FRMPD4: variants seen among roughly 807,000 people sequenced by gnomAD.
FRMPD4 encodes FERM and PDZ domain-containing protein 4.
Under a neutral mutation model 94.1 loss-of-function variants are expected in FRMPD4, and 22 were observed. The ratio of observed to expected loss-of-function variants is 0.23; its 90% CI spans 0.17 to 0.33. The LOEUF is 0.33. Ranked by LOEUF, FRMPD4 falls within the 10% of genes least tolerant of loss-of-function variation. FRMPD4 has a pLI of 1.00. For synonymous variants in FRMPD4, 631 were observed against 548.6 expected (o/e 1.15, Z -2.10); for missense variants, 1,111 against 1,339.9 (o/e 0.83, Z 2.67).
chrX:12,293,518 TACA>T (rs1269733463), intron 1 of FRMPD4, among the ~76,000 whole-genome samples: 1 of 112,652 alleles, frequency 8.9e-6, no homozygotes, highest in African/African-American at 3.2e-5. Flanking sequence ...GCCACTGTTG[TACA>T]ACAAGAAAGA....
rs774183199 is a variant in FRMPD4, at chrX:12,328,836, T to C, written c.42-169844T>C. Among the ~76,000 whole-genome samples the C allele has an allele frequency of 5.4e-5, 6 of 111,841 alleles. No individual in the cohort carries two copies. The South Asian group carries it at 2.3e-3, about 42-fold the overall frequency. On this transcript the variant is annotated intron_variant, in intron 1 of 16. Transcript: ENST00000675598. ...GGAACCTCATCCCTGAAAGCCGGTA[T>C]AGGGCTTATACAGTTCAGGTATTAG...
intron 3 of FRMPD4, among the ~76,000 whole-genome samples, chrX:11,885,528 A>G (rs1045731145): frequency 4.5e-5 from 5 of 111,601 alleles, no homozygotes; most frequent in African/African-American, 1.6e-4. Context: ...TGGTTAAGAT[A>G]GCACATTTTA....
rs186463256 is a variant in FRMPD4 at position 12,433,257 on chromosome X, G to A, written c.42-65423G>A. Among the ~76,000 whole-genome samples, 4 of 112,225 alleles carry A rather than the reference G, an allele frequency of 3.6e-5. No homozygotes were observed. In the Admixed American group the frequency reaches 3.8e-4, roughly 11 times the overall value. ...TGCTGACATGGAAAGGAGATGAATAGGATTAAGCTATAAATACAGCCTGGA... is the reference window on the plus strand; with the variant it reads ...TGCTGACATGGAAAGGAGATGAATAAGATTAAGCTATAAATACAGCCTGGA... On this transcript the variant is annotated intron_variant, in intron 1 of 16. Coordinates refer to ENST00000675598, the MANE Select transcript of FRMPD4 (RefSeq NM_001368397.1).
At chrX:12,140,568 C>T (rs753860750) in intron 1 of FRMPD4, among the ~76,000 whole-genome samples, 2 of 111,995 alleles carry the variant, frequency 1.8e-5, no homozygotes, top group African/African-American at 3.2e-5. Context: ...GACAGAGATA[C>T]TGCTAAAGGG....
Position 11,842,674 on chromosome X carries a change from T to C in FRMPD4, c.-161+19959T>C, listed in dbSNP as rs778274725. On this transcript the variant is annotated intron_variant, in intron 1 of 18. Coordinates refer to the FRMPD4 transcript ENST00000640291. ...CTGAGACGATGGGGTTTTCTAGATA[T>C]ACAATCATGTCATCTGCAAACAGGG... 1.1e-3 allele frequency among the ~76,000 whole-genome samples: 96 copies of C among 86,125 alleles called. 2 individuals carry two copies. The highest frequency in any genetic ancestry group is 1.3e-3 in the Non-Finnish European group (59 of 45,239). The allele number at this position is 86,125 out of a possible 115,157, so 74.8% of individuals were successfully genotyped here.
At chrX:12,718,932 C>T in intron 16 of FRMPD4, 142 bp downstream of exon 16, 1 of 428,952 alleles carries the variant, frequency 2.3e-6, no homozygotes, top group Admixed American at 4.0e-5. Context: ...AAGTACCAAT[C>T]ATTGATCCCC....
At chrX:12,473,130 C>T (rs1170083331) in intron 1 of FRMPD4, among the ~76,000 whole-genome samples, 1 of 110,883 alleles carries the variant, frequency 9.0e-6, no homozygotes, top group Non-Finnish European at 1.9e-5. Flanking sequence ...AGAAACTCTA[C>T]AAGCCAGAAG....
intron 1 of FRMPD4, among the ~76,000 whole-genome samples, chrX:12,139,551 T>TGG (rs368733965): frequency 0.031 from 2,489 of 81,550 alleles, 106 homozygotes; most frequent in African/African-American, 0.099. Context: ...TTTTTTTTTT[T>TGG]GGGGGGGGGG....
intron 1 of FRMPD4, among the ~76,000 whole-genome samples, chrX:12,311,104 G>A (rs1237499175): frequency 1.8e-5 from 2 of 111,078 alleles, no homozygotes; most frequent in East Asian, 2.8e-4. Flanking sequence ...TTTTTTGGCG[G>A]GGCAGGGGGA....
chrX:12,090,132 G>T (rs190028914), intron 3 of FRMPD4, among the ~76,000 whole-genome samples: 2 of 111,663 alleles, frequency 1.8e-5, no homozygotes, highest in East Asian at 5.6e-4. Context: ...ATGTTGAATT[G>T]TAATCGCCAA....
At chrX:12,221,952 A>T (rs1463800909) in intron 1 of FRMPD4, among the ~76,000 whole-genome samples, 4 of 112,290 alleles carry the variant, frequency 3.6e-5, no homozygotes, top group African/African-American at 1.3e-4. Context: ...TTTAGCTCAT[A>T]AGTGAAAATA....
At chrX:12,512,160 T>C (rs969702507) in intron 2 of FRMPD4, among the ~76,000 whole-genome samples, 3 of 112,639 alleles carry the variant, frequency 2.7e-5, no homozygotes, top group African/African-American at 9.7e-5. Context: ...AATTAAGGTG[T>C]GTACATTGTT....
At chrX:12,194,426 TAAAA>T (rs201495273) in intron 1 of FRMPD4, among the ~76,000 whole-genome samples, 2 of 100,897 alleles carry the variant, frequency 2.0e-5, no homozygotes, top group African/African-American at 7.2e-5. Flanking sequence ...TTCTAGTTAT[TAAAA>T]AAAAAAAAGG....
At chrX:12,206,900 A>ATT (rs1273948765) in intron 1 of FRMPD4, among the ~76,000 whole-genome samples, 3 of 112,445 alleles carry the variant, frequency 2.7e-5, no homozygotes, top group African/African-American at 9.7e-5. Flanking sequence ...TGATAAAAAT[A>ATT]TTGTTATAAA....
At chrX:11,859,982 C>G in intron 1 of FRMPD4, among the ~76,000 whole-genome samples, 1 of 111,888 alleles carries the variant, frequency 8.9e-6, no homozygotes, top group African/African-American at 3.2e-5. Context: ...ACTGGAGGAT[C>G]CAGACTGTCA....
chrX:12,712,500 G>A (rs1177746323), intron 14 of FRMPD4, among the ~76,000 whole-genome samples: 1 of 111,571 alleles, frequency 9.0e-6, no homozygotes, highest in Non-Finnish European at 1.9e-5. Flanking sequence ...TGTGAGCTAT[G>A]ACTACGCCAC....
chrX:12,270,670 A>G (rs1199861644), intron 1 of FRMPD4, among the ~76,000 whole-genome samples: 1 of 111,971 alleles, frequency 8.9e-6, no homozygotes, highest in East Asian at 2.8e-4. Context: ...ATATATATAG[A>G]AAAAATAATG....
chrX:11,978,061 G>A (rs1444038963), intron 3 of FRMPD4, among the ~76,000 whole-genome samples: 1 of 109,697 alleles, frequency 9.1e-6, no homozygotes, highest in African/African-American at 3.3e-5. Context: ...GGTGGCTCAC[G>A]CCTGTAATCC....
intron 1 of FRMPD4, among the ~76,000 whole-genome samples, chrX:12,362,178 C>T (rs867293039): frequency 1.0e-5 from 1 of 100,242 alleles, no homozygotes; most frequent in African/African-American, 3.6e-5. Context: ...ACTGACGATT[C>T]TTTTTTTTTT....
Sources: gnomAD v4.1 joint callset for allele counts (sites outside exome capture counted in the v4.1 genomes callset) on GRCh38, gnomAD v4.1.1 for gene constraint, MANE v1.5 for transcripts, NCBI Gene and HGNC (gene_info 2026-07-23, HGNC 2026-07-21) for gene names.